Variants in ZC3H13 observed in about 807,000 individuals in gnomAD.
The protein encoded by ZC3H13 is zinc finger CCCH domain-containing protein 13.
A neutral mutation model predicts 204.1 loss-of-function variants in ZC3H13; 64 were observed. The observed-to-expected ratio is 0.31, with a 90% CI of 0.26 to 0.39. The LOEUF (loss-of-function observed/expected upper bound fraction) is 0.39. Among genes scored for constraint, ZC3H13 ranks in the 10% least tolerant of loss-of-function variants. The pLI is 1.00. For synonymous variants in ZC3H13, 667 were observed against 693.7 expected (o/e 0.96, Z 0.60); for missense variants, 1,833 against 2,082.7 (o/e 0.88, Z 2.33).
At chr13:45,970,123 T>G in intron 13 of ZC3H13, 152 bp from the exon 14 acceptor site, 1 of 1,019,134 alleles carries the variant, frequency 9.8e-7, no homozygotes, top group African/African-American at 1.6e-5. Context: ...TCAAGATCAT[T>G]TAAAAACTTT....
chr13:46,026,299 T>A (rs1366897515), intron 4 of ZC3H13, among the ~76,000 whole-genome samples: 1 of 152,138 alleles, frequency 6.6e-6, no homozygotes, highest in Non-Finnish European at 1.5e-5. Context: ...TTAATACTTC[T>A]GTATCTATGT....
At chr13:45,999,326 C>G (rs1419532315) in intron 8 of ZC3H13, among the ~76,000 whole-genome samples, 1 of 152,146 alleles carries the variant, frequency 6.6e-6, no homozygotes, top group Admixed American at 6.5e-5. Flanking sequence ...AAAAACAAAC[C>G]TGGACTCAAT....
At chr13:45,987,939 G>T (rs1200936802) in intron 9 of ZC3H13, among the ~76,000 whole-genome samples, 2 of 152,174 alleles carry the variant, frequency 1.3e-5, no homozygotes, top group Non-Finnish European at 2.9e-5. Flanking sequence ...TGAATAGGGA[G>T]TAGCAAATCC....
chr13:45,961,096 T>C (rs1036738846), intron 17 of ZC3H13, among the ~76,000 whole-genome samples: 4 of 152,160 alleles, frequency 2.6e-5, no homozygotes, highest in South Asian at 2.1e-4. Flanking sequence ...AGAATCACCA[T>C]AGTTGGACTA....
chr13:45,991,693 T>C (rs1441893685), intron 8 of ZC3H13, among the ~76,000 whole-genome samples: 1 of 152,176 alleles, frequency 6.6e-6, no homozygotes, highest in Non-Finnish European at 1.5e-5. Flanking sequence ...GGAAAGTTTA[T>C]TTAATGAAGA....
chr13:46,043,272 A>G (rs2043714697), intron 3 of ZC3H13, among the ~76,000 whole-genome samples: 1 of 152,046 alleles, frequency 6.6e-6, no homozygotes, highest in South Asian at 2.1e-4. Context: ...AATATAAATC[A>G]TAAGGTTAGT....
chr13:45,985,080 G>A (rs962971232), intron 10 of ZC3H13, among the ~76,000 whole-genome samples: 2 of 152,100 alleles, frequency 1.3e-5, no homozygotes, highest in African/African-American at 4.8e-5. Flanking sequence ...GGCATGACTG[G>A]ATATACTTAG....
At chr13:46,039,631 A>G (rs764757435) in intron 4 of ZC3H13, among the ~76,000 whole-genome samples, 15 of 152,194 alleles carry the variant, frequency 9.9e-5, no homozygotes, top group Non-Finnish European at 1.9e-4. Context: ...CTGACTCATA[A>G]GAGCTGATTT....
intron 12 of ZC3H13, among the ~76,000 whole-genome samples, chr13:45,971,592 A>G (rs951350635): frequency 6.6e-6 from 1 of 152,218 alleles, no homozygotes; most frequent in Non-Finnish European, 1.5e-5. Context: ...TCTTTTGGAC[A>G]CTGGCCTAGG....
At chr13:45,983,224 A>G (rs1953816985) in intron 10 of ZC3H13, among the ~76,000 whole-genome samples, 1 of 151,624 alleles carries the variant, frequency 6.6e-6, no homozygotes, top group African/African-American at 2.4e-5. Context: ...GTTAACAAAT[A>G]CATATCCCAA....
intron 8 of ZC3H13, among the ~76,000 whole-genome samples, chr13:45,994,293 C>T (rs1008689876): frequency 6.6e-6 from 1 of 152,174 alleles, no homozygotes; most frequent in African/African-American, 2.4e-5. Context: ...TAACAGTGGG[C>T]TATTAGTAGC....
At position 45,969,948 on chromosome 13, in the gene ZC3H13, G is replaced by A. The variant is rs1250376801; in HGVS notation, c.2596C>T (p.Gln866Ter). Residue 866 changes from glutamine (Q) to a stop codon, truncating the protein, a stop_gained, in exon 14 of 19, where the codon CAA becomes TAA. Transcript: ENST00000679008. LOFTEE classifies it high-confidence loss of function. ...DKNEKHRLLS[Q>*]VVRPQESRSL... ...CGAGATTCTTGAGGTCGTACAACTTGGCTCAAGAGTCTGTGTTTTTCATCT... is the reference window on the plus strand; with the variant it reads ...CGAGATTCTTGAGGTCGTACAACTTAGCTCAAGAGTCTGTGTTTTTCATCT... The A allele has an allele frequency of 6.2e-7, 1 of 1,609,216 alleles. No homozygotes were observed. The highest frequency in any genetic ancestry group is 8.5e-7 in the Non-Finnish European group (1 of 1,178,922).
In ZC3H13 at chr13:46,052,580, G is replaced by A; in HGVS notation, c.-186C>T. The stretch of plus-strand genomic sequence containing the variant: ...CTCTTGGCTAGCGAGGAGCCCCCGG[G>A]ATGGCTGAGAAGCAGAACCAACCCG... On this transcript the variant is annotated 5_prime_UTR_variant, in exon 1 of 19. Transcript: ENST00000679008. 1 of 398,792 alleles carries A rather than the reference G, an allele frequency of 2.5e-6. No individual in the cohort carries two copies. Among genetic ancestry groups the A allele is most frequent in the Non-Finnish European group, 4.4e-6 (1 of 226,224 alleles). 24.7% of individuals were successfully genotyped at this position (398,792 alleles called of 1,614,324 possible).
At chr13:46,034,943 A>G (rs1053431871) in intron 4 of ZC3H13, among the ~76,000 whole-genome samples, 8 of 152,180 alleles carry the variant, frequency 5.3e-5, no homozygotes, top group African/African-American at 1.7e-4. Flanking sequence ...ATACACGCAT[A>G]TATTTATTTG....
chr13:46,001,105 TA>T (rs1244116710), intron 8 of ZC3H13: 2 of 152,126 alleles, frequency 1.3e-5, no homozygotes, highest in African/African-American at 4.8e-5. Flanking sequence ...ACAGATACAA[TA>T]ATGATGAAAA....
chr13:45,978,621 T>G (rs1593510522), intron 11 of ZC3H13, among the ~76,000 whole-genome samples: 1 of 152,044 alleles, frequency 6.6e-6, no homozygotes. Flanking sequence ...TCTTGGCACC[T>G]AGTAGAAGAT....
rs575504774 is a variant in ZC3H13, at chr13:45,998,635, C to T, written c.944+4504G>A. On this transcript the variant is annotated intron_variant, in intron 8 of 18. Transcript: ENST00000679008. ...CTGCACTCCAGCCTGGGTGACACAGCGAAACTCCGTCTCAAAAAAAAAAAT... is the reference window on the plus strand; with the variant it reads ...CTGCACTCCAGCCTGGGTGACACAGTGAAACTCCGTCTCAAAAAAAAAAAT... Among the ~76,000 whole-genome samples the T allele has an allele frequency of 3.3e-5, 5 of 150,236 alleles. No homozygotes were observed. In the South Asian group the frequency reaches 6.3e-4, roughly 19 times the overall value.
intron 5 of ZC3H13, among the ~76,000 whole-genome samples, chr13:46,018,125 A>C (rs572198736): frequency 1.3e-4 from 20 of 152,272 alleles, no homozygotes; most frequent in Admixed American, 9.2e-4. Flanking sequence ...GAAGAGTGAT[A>C]AATAGAAGCC....
At chr13:46,027,591 A>T (rs1356359030) in intron 4 of ZC3H13, among the ~76,000 whole-genome samples, 1 of 152,258 alleles carries the variant, frequency 6.6e-6, no homozygotes, top group Non-Finnish European at 1.5e-5. Context: ...ATAAAATAGT[A>T]CCAAACCCAG....
Sources: allele counts gnomAD v4.1 joint callset (sites outside exome capture counted in the v4.1 genomes callset), GRCh38; gene constraint gnomAD v4.1.1; transcripts MANE v1.5; gene names NCBI Gene and HGNC (gene_info 2026-07-23, HGNC 2026-07-21).